Variants in PRR14L observed in about 807,000 individuals in gnomAD.
The protein encoded by PRR14L is protein PRR14L.
A neutral mutation model predicts 155.0 loss-of-function variants in PRR14L; 80 were observed. That is an observed-to-expected ratio of 0.52 (90% confidence interval 0.43 to 0.62). The LOEUF is 0.62. Among genes scored for constraint, PRR14L ranks in the 20% least tolerant of loss-of-function variants. PRR14L has a pLI of 0.00. For synonymous variants in PRR14L, 883 were observed against 916.0 expected, an observed-to-expected ratio of 0.96 and a Z score of 0.65; for missense variants, 2,469 against 2,548.0, an observed-to-expected ratio of 0.97 and a Z score of 0.67.
intron 7 of PRR14L, among the ~76,000 whole-genome samples, chr22:31,690,385 A>G (rs2074505067): frequency 6.6e-6 from 1 of 151,836 alleles, no homozygotes; most frequent in African/African-American, 2.4e-5. Flanking sequence ...GGGTTTCACC[A>G]TGTTGGCCAG....
chr22:31,707,419 C>T (rs560185330), intron 4 of PRR14L, among the ~76,000 whole-genome samples: 19 of 152,236 alleles, frequency 1.2e-4, no homozygotes, highest in Admixed American at 4.6e-4. Context: ...CTCGCTCTGT[C>T]GCCCAGGCTG....
chr22:31,685,245 G>A lies in PRR14L; in HGVS notation c.*282C>T, dbSNP rs1314216633. On this transcript the variant is annotated 3_prime_UTR_variant, in exon 9 of 9. Transcript: ENST00000327423. ...CTTCCTCCTGTGGATGGCAGAGACTGAGGAGGTGGCTGGATGTCGTTCAGG... is the reference window on the plus strand; with the variant it reads ...CTTCCTCCTGTGGATGGCAGAGACTAAGGAGGTGGCTGGATGTCGTTCAGG... 1.2e-5 allele frequency: 4 copies of A among 328,404 alleles called. No homozygotes were observed. Among genetic ancestry groups the A allele is most frequent in the Non-Finnish European group, 2.2e-5 (4 of 179,158 alleles). 20.3% of individuals were successfully genotyped at this position (328,404 alleles called of 1,614,324 possible).
chr22:31,713,162 T>C lies in PRR14L; in HGVS notation c.4677A>G (p.Thr1559=). 1 of 1,552,046 alleles carries C rather than the reference T, an allele frequency of 6.4e-7. No individual in the cohort carries two copies. The highest frequency in any genetic ancestry group is 2.4e-5 in the East Asian group (1 of 40,928). The part of the protein sequence containing the change: ...FLKSSSNPIP[T]KAHRLLSLCT... The stretch of plus-strand genomic sequence containing the variant: ...ACAAACTGAGAAGTCTGTGCGCTTT[T>C]GTGGGGATGGGATTGGAAGAACTCT... Residue 1559 remains threonine, a synonymous_variant, in exon 4 of 9, where the codon ACA becomes ACG. Coordinates refer to ENST00000327423, the MANE Select transcript of PRR14L (RefSeq NM_173566.3).
intron 3 of PRR14L, among the ~76,000 whole-genome samples, chr22:31,720,728 C>T (rs1431011422): frequency 6.6e-6 from 1 of 152,124 alleles, no homozygotes; most frequent in Non-Finnish European, 1.5e-5. Context: ...CAGTGAGAAC[C>T]CATCTCAAAA....
rs2074626888 is a variant in PRR14L at position 31,712,200 on chromosome 22, G to A, written c.5639C>T (p.Ser1880Leu). 3.1e-6 allele frequency: 5 copies of A among 1,613,806 alleles called. No homozygotes were observed. The highest frequency in any genetic ancestry group is 1.6e-4 in the Middle Eastern group (1 of 6,082). ...CCAAATGGATAGGACTCTGCCCACC[G>A]AGTAGGGCAGAGAACAGAAGACCTT... ...ADKVFCSLPY[S>L]VGRVLSIWSQ... Residue 1880 changes from serine (S) to leucine (L), a missense_variant, in exon 4 of 9, where the codon TCG becomes TTG. Ser to Leu is a moderately radical substitution (Grantham distance 145). This residue lies in a region of PRR14L where 2,363 missense variants were observed against 2,371.6 expected (regional missense o/e 1.00). Coordinates refer to ENST00000327423, the MANE Select transcript of PRR14L (RefSeq NM_173566.3).
intron 1 of PRR14L, among the ~76,000 whole-genome samples, chr22:31,739,746 C>T (rs1450776782): frequency 2.0e-5 from 3 of 152,110 alleles, no homozygotes; most frequent in Admixed American, 6.6e-5. Flanking sequence ...CCACTGTGTT[C>T]GTAATGTTTC....
At chr22:31,686,663 G>C (rs1601489196) in intron 8 of PRR14L, among the ~76,000 whole-genome samples, 2 of 152,118 alleles carry the variant, frequency 1.3e-5, no homozygotes, top group East Asian at 3.9e-4. Context: ...CCAACTCAAG[G>C]GCTCCAGTGA....
intron 7 of PRR14L, among the ~76,000 whole-genome samples, chr22:31,697,889 TA>T (rs1297942006): frequency 6.6e-6 from 1 of 151,974 alleles, no homozygotes; most frequent in Admixed American, 6.6e-5. Context: ...TAACTATATA[TA>T]TATCAAGATG....
Position 31,734,047 on chromosome 22 carries a change from A to G in PRR14L, c.474+4340T>C, listed in dbSNP as rs566182767. Among the ~76,000 whole-genome samples the G allele has an allele frequency of 8.5e-5, 13 of 152,194 alleles. 1 individual carries two copies. The South Asian group carries it at 2.5e-3, about 29-fold the overall frequency. On this transcript the variant is annotated intron_variant, in intron 2 of 8. Coordinates refer to ENST00000327423, the MANE Select transcript of PRR14L (RefSeq NM_173566.3). ...GAGTGCAGTGGCACAATCTCGGCTC[A>G]CTACAACCTCTGCCTCCCAGTTTCA... is the stretch of plus-strand genomic sequence containing the variant.
At chr22:31,693,075 A>G (rs77447563) in intron 7 of PRR14L, among the ~76,000 whole-genome samples, 2,207 of 152,260 alleles carry the variant, frequency 0.014, 56 homozygotes, top group African/African-American at 0.051. Context: ...ACTGTTGTAC[A>G]ATGAACCTAT....
At chr22:31,719,977 CCT>C (rs1373565584) in intron 3 of PRR14L, among the ~76,000 whole-genome samples, 8 of 152,116 alleles carry the variant, frequency 5.3e-5, no homozygotes, top group African/African-American at 1.9e-4. Flanking sequence ...CTCAAGCAAT[CCT>C]CCCGCCTCAG....
intron 2 of PRR14L, among the ~76,000 whole-genome samples, chr22:31,732,393 AT>A (rs1412309235): frequency 6.6e-6 from 1 of 152,210 alleles, no homozygotes; most frequent in Non-Finnish European, 1.5e-5. Context: ...TGCCTACACT[AT>A]AACGTGGTTT....
chr22:31,704,033 G>C (rs1006242780), intron 5 of PRR14L, among the ~76,000 whole-genome samples: 1 of 152,028 alleles, frequency 6.6e-6, no homozygotes, highest in African/African-American at 2.4e-5. Context: ...CCGACCTTAG[G>C]TGATCCACCC....
In PRR14L at chr22:31,684,769, A is replaced by G. The variant is rs1002131274; in HGVS notation, c.*758T>C. 1.3e-5 allele frequency: 2 copies of G among 152,236 alleles called. No homozygotes were observed. The highest frequency in any genetic ancestry group is 2.9e-5 in the Non-Finnish European group (2 of 68,044). 9.4% of individuals were successfully genotyped at this position (152,236 alleles called of 1,614,324 possible). A position where few individuals can be genotyped will look rare whatever the true frequency, so the allele number is the denominator to read the frequency against. ...TTTCTCCTTAAAAAAATGTTTTAAA[A>G]TCACATTTAAAGGCTCCACACATGC... On this transcript the variant is annotated 3_prime_UTR_variant, in exon 9 of 9. Transcript: ENST00000327423.
chr22:31,713,919 T>G lies in PRR14L; in HGVS notation c.3920A>C (p.Asn1307Thr). The G allele has an allele frequency of 6.4e-7, 1 of 1,551,900 alleles. No individual in the cohort carries two copies. Among genetic ancestry groups the G allele is most frequent in the Non-Finnish European group, 8.7e-7 (1 of 1,147,012 alleles). ...GTGAGGGTGACAAGCTTTGCAAGCA[T>G]TCTTTTCCACACAGGTACATACGCT... Reference protein sequence around the residue: ...RDSVCTCVEKNACKACHPHEN... With the variant: ...RDSVCTCVEKTACKACHPHEN... The change falls in exon 4 of 9, where the codon AAT (asparagine) becomes ACT (threonine). Residue 1307 changes from asparagine to threonine, a missense_variant. By Grantham distance (65) the Asn-to-Thr change is moderately conservative. Around this residue, in one of 2 missense-constraint regions of PRR14L, gnomAD observed 2,363 missense variants for 2,371.6 expected, o/e 1.00. Coordinates refer to ENST00000327423, the MANE Select transcript of PRR14L (RefSeq NM_173566.3).
At chr22:31,721,900 A>G (rs879539336) in intron 3 of PRR14L, among the ~76,000 whole-genome samples, 1 of 152,182 alleles carries the variant, frequency 6.6e-6, no homozygotes, top group Non-Finnish European at 1.5e-5. Context: ...TATATAGAGA[A>G]GTAAAAATAA....
chr22:31,735,385 G>T (rs2074773494), intron 2 of PRR14L, among the ~76,000 whole-genome samples: 1 of 150,806 alleles, frequency 6.6e-6, no homozygotes, highest in Non-Finnish European at 1.5e-5. Flanking sequence ...AGCTTGCAGT[G>T]AACTGAGATC....
At position 31,716,235 on chromosome 22, in the gene PRR14L, G is replaced by T. The variant is rs1439041473; in HGVS notation, c.1604C>A (p.Ser535Tyr). ...TPVEPNILSKSFYTKDCNSLV... is the reference protein window; with the variant it reads ...TPVEPNILSKYFYTKDCNSLV... ...GGAGTTACAGTCTTTAGTGTAAAAA[G>T]ATTTACTTAATATATTGGGCTCTAC... Residue 535 changes from serine to tyrosine, a missense_variant, in exon 4 of 9, where the codon TCT (serine) becomes TAT (tyrosine). Coordinates refer to ENST00000327423, the MANE Select transcript of PRR14L (RefSeq NM_173566.3). The T allele has an allele frequency of 6.4e-7, 1 of 1,551,502 alleles. No individual in the cohort carries two copies. Among genetic ancestry groups the T allele is most frequent in the Admixed American group, 2.0e-5 (1 of 50,978 alleles).
Position 31,719,053 on chromosome 22 carries a change from G to A in PRR14L, c.548-1762C>T, listed in dbSNP as rs146757673. On this transcript the variant is annotated intron_variant, in intron 3 of 8. Coordinates refer to ENST00000327423, the MANE Select transcript of PRR14L (RefSeq NM_173566.3). ...CATGCCACTACACTCTAGCCTGGGT[G>A]ACAGAGCAAGACTCTGTCTCAAAAA... Among the ~76,000 whole-genome samples the A allele has an allele frequency of 3.3e-3, 509 of 151,950 alleles. 3 individuals carry two copies. The highest frequency in any genetic ancestry group is 0.012 in the African/African-American group (485 of 41,434).
Sources: gnomAD v4.1 joint callset for allele counts (sites outside exome capture counted in the v4.1 genomes callset) on GRCh38, gnomAD v4.1.1 for gene constraint, gnomAD v4.1.1 regional missense constraint, MANE v1.5 for transcripts, NCBI Gene and HGNC (gene_info 2026-07-23, HGNC 2026-07-21) for gene names.